The following MAP2K1 variants were observed in gnomAD, a reference collection of about 807,000 sequenced individuals.
MAP2K1 encodes mitogen-activated protein kinase kinase 1.
MAP2K1 carries 16 observed loss-of-function variants against 46.3 expected under a neutral mutation model. The observed-to-expected ratio is 0.35, with a 90% CI of 0.23 to 0.52. MAP2K1 has a LOEUF of 0.52. Ranked by LOEUF, MAP2K1 falls within the 20% of genes least tolerant of loss-of-function variation. The pLI is 0.94. For missense variants in MAP2K1, 263 were observed against 497.1 expected (o/e 0.53, Z 4.48); for synonymous variants, 183 against 185.6 (o/e 0.99, Z 0.11).
At chr15:66,448,162 A>AAG (rs552153814) in intron 5 of MAP2K1, among the ~76,000 whole-genome samples, 25,990 of 148,648 alleles carry the variant, frequency 0.17, 3,084 homozygotes, top group Middle Eastern at 0.29. Context: ...CAAAAAAAAA[A>AAG]AAAAAAAAAA....
rs569552155 is a variant in MAP2K1 at position 66,487,523 on chromosome 15, C to A, written c.960+231C>A. Among the ~76,000 whole-genome samples, 4 of 152,226 alleles carry A rather than the reference C, an allele frequency of 2.6e-5. No homozygotes were observed. In the East Asian group the frequency reaches 7.7e-4, roughly 29 times the overall value. ...GCATGGTGGTGCACGTCTGTAGTCC[C>A]AGCTACTCGGGAGGCTGAGGCATGA... On this transcript the variant is annotated intron_variant, in intron 8 of 10. Transcript: ENST00000307102.
chr15:66,392,265 T>TTTTTG (rs2093358228), intron 1 of MAP2K1, among the ~76,000 whole-genome samples: 1 of 133,574 alleles, frequency 7.5e-6, no homozygotes. Flanking sequence ...GTTTTTTTTT[T>TTTTTG]TTTTTTTTTT....
chr15:66,434,155 C>T (rs1394718822), intron 1 of MAP2K1, among the ~76,000 whole-genome samples: 2 of 152,112 alleles, frequency 1.3e-5, no homozygotes, highest in African/African-American at 4.8e-5. Flanking sequence ...CCTATGAACA[C>T]TAGTTAAAAG....
chr15:66,489,282 T>C lies in MAP2K1; in HGVS notation c.1022+6T>C, dbSNP rs781015814. ...CAAGATTTTGTGAATAAATGGTAAGTTGGCTCCTTGTTCTCTGGAAGCGTA... is the reference window on the plus strand; with the variant it reads ...CAAGATTTTGTGAATAAATGGTAAGCTGGCTCCTTGTTCTCTGGAAGCGTA... On this transcript the variant is annotated splice_donor_region_variant and intron_variant, in intron 9 of 10. Transcript: ENST00000307102. 1.9e-6 allele frequency: 3 copies of C among 1,613,192 alleles called. No homozygotes were observed. In the South Asian group the frequency reaches 3.3e-5, roughly 18 times the overall value.
At chr15:66,413,967 T>C (rs187313747) in intron 1 of MAP2K1, among the ~76,000 whole-genome samples, 1 of 150,770 alleles carries the variant, frequency 6.6e-6, no homozygotes, top group Non-Finnish European at 1.5e-5. Context: ...TTTTTTTTTT[T>C]AATTGTTTAC....
At chr15:66,401,177 T>G (rs2093380815) in intron 1 of MAP2K1, among the ~76,000 whole-genome samples, 1 of 152,190 alleles carries the variant, frequency 6.6e-6, no homozygotes, top group Non-Finnish European at 1.5e-5. Flanking sequence ...TTCCAGATTC[T>G]TATTATTTAA....
chr15:66,424,486 C>T (rs994196995), intron 1 of MAP2K1, among the ~76,000 whole-genome samples: 6 of 152,220 alleles, frequency 3.9e-5, no homozygotes, highest in Non-Finnish European at 5.9e-5. Context: ...GGCTGTTAGC[C>T]AGATTTGAGC....
At chr15:66,390,758 G>C (rs1377337958) in intron 1 of MAP2K1, among the ~76,000 whole-genome samples, 1 of 152,096 alleles carries the variant, frequency 6.6e-6, no homozygotes, top group East Asian at 1.9e-4. Context: ...ATTGGACTAT[G>C]AGACTGAGTG....
chr15:66,428,840 C>T (rs113579661), intron 1 of MAP2K1, among the ~76,000 whole-genome samples: 2,748 of 129,762 alleles, frequency 0.021, 42 homozygotes, highest in South Asian at 0.06. Context: ...AGTGCAGTGA[C>T]GCGATCTTGG....
intron 1 of MAP2K1, among the ~76,000 whole-genome samples, chr15:66,404,448 A>T (rs917282695): frequency 2.0e-5 from 3 of 152,242 alleles, no homozygotes; most frequent in Non-Finnish European, 4.4e-5. Flanking sequence ...TATTTACTGG[A>T]ATACTCCTAT....
intron 6 of MAP2K1, 149 bp downstream of exon 6, chr15:66,482,028 A>G: frequency 1.0e-6 from 1 of 999,854 alleles, no homozygotes; most frequent in Non-Finnish European, 1.5e-6. Flanking sequence ...GAGGAGATGA[A>G]GTTGAATGGG....
intron 5 of MAP2K1, among the ~76,000 whole-genome samples, chr15:66,452,825 C>T (rs1309322082): frequency 6.6e-6 from 1 of 152,174 alleles, no homozygotes; most frequent in Non-Finnish European, 1.5e-5. Context: ...TAAAAACCAG[C>T]GATTAAAACC....
intron 5 of MAP2K1, among the ~76,000 whole-genome samples, chr15:66,481,392 A>T (rs1369739649): frequency 1.3e-5 from 2 of 152,110 alleles, no homozygotes; most frequent in Non-Finnish European, 2.9e-5. Context: ...CCAGCCATAG[A>T]TACTATATCT....
chr15:66,387,392 C>A lies in MAP2K1; in HGVS notation c.45C>A (p.Pro15=). The change falls in exon 1 of 11, where the codon CCC becomes CCA. Residue 15 remains proline (P), a synonymous_variant. Transcript: ENST00000307102. ...CGCCCATCCAGCTGAACCCGGCCCC[C>A]GACGGCTCTGCAGTTAACGGGACCA... ...KPTPIQLNPA[P]DGSAVNGTSS... 1 of 1,565,952 alleles carries A rather than the reference C, an allele frequency of 6.4e-7. No homozygotes were observed. The highest frequency in any genetic ancestry group is 2.4e-5 in the East Asian group (1 of 42,440).
At chr15:66,484,360 C>T (rs1336954785) in intron 6 of MAP2K1, among the ~76,000 whole-genome samples, 2 of 151,898 alleles carry the variant, frequency 1.3e-5, no homozygotes, top group African/African-American at 4.8e-5. Context: ...GTTGGCCAGG[C>T]TGGTCTCGAA....
rs375119384 is a variant in MAP2K1, at chr15:66,463,892, C to T, written c.569-17863C>T. On this transcript the variant is annotated intron_variant, in intron 5 of 10. Coordinates refer to ENST00000307102, the MANE Select transcript of MAP2K1 (RefSeq NM_002755.4). ...AGGCCAGCTCAAAGCAGGGAGGAGG[C>T]TTTCAGGTCACAGGTAGGTGAGAGA... 2.8e-4 allele frequency among the ~76,000 whole-genome samples: 43 copies of T among 152,322 alleles called. 1 individual carries two copies. In the East Asian group the frequency reaches 3.7e-3, roughly 13 times the overall value.
intron 5 of MAP2K1, chr15:66,453,465 A>T (rs1892088144): frequency 2.8e-6 from 2 of 702,054 alleles, no homozygotes; most frequent in Non-Finnish European, 2.6e-6. Context: ...TCTTCTCCAG[A>T]AGCCCTGGAA....
chr15:66,489,266 G>A lies in MAP2K1; in HGVS notation c.1012G>A (p.Val338Met). ...GVFSLEFQDF[V>M]NKCLIKNPAE... ...GTTCAGTCTGGAATTTCAAGATTTTGTGAATAAATGGTAAGTTGGCTCCTT... is the reference window on the plus strand; with the variant it reads ...GTTCAGTCTGGAATTTCAAGATTTTATGAATAAATGGTAAGTTGGCTCCTT... Residue 338 changes from valine to methionine, a missense_variant, in exon 9 of 11, where the codon GTG becomes ATG. This residue lies in a region of MAP2K1 where 118 missense variants were observed against 193.0 expected (regional missense o/e 0.61). Transcript: ENST00000307102. 6.2e-7 allele frequency: 1 copy of A among 1,614,022 alleles called. No homozygotes were observed. The highest frequency in any genetic ancestry group is 1.1e-5 in the South Asian group (1 of 91,080).
At chr15:66,424,582 G>A (rs1188993358) in intron 1 of MAP2K1, among the ~76,000 whole-genome samples, 1 of 152,054 alleles carries the variant, frequency 6.6e-6, no homozygotes, top group East Asian at 1.9e-4. Flanking sequence ...CTTGCACTTA[G>A]CGGGGAGCCT....
Sources: allele counts gnomAD v4.1 joint callset (sites outside exome capture counted in the v4.1 genomes callset), GRCh38; gene constraint gnomAD v4.1.1; regional missense constraint gnomAD v4.1.1; transcripts MANE v1.5; gene names NCBI Gene and HGNC (gene_info 2026-07-23, HGNC 2026-07-21).